The following NBEAL1 variants were observed in gnomAD, a reference collection of about 807,000 sequenced individuals.
The protein encoded by NBEAL1 is neurobeachin-like protein 1.
NBEAL1 carries 273 observed loss-of-function variants against 351.3 expected under a neutral mutation model. That is an observed-to-expected ratio of 0.78 (90% CI 0.70 to 0.86). The LOEUF is 0.86. NBEAL1 is among the 40% of genes least tolerant of loss of function. The probability of loss-of-function intolerance (pLI) is 0.00; values close to 1 mark genes in which losing one functional copy is unlikely to be tolerated. For synonymous variants in NBEAL1, 1,050 were observed against 1,086.4 expected (o/e 0.97, Z 0.66); for missense variants, 2,961 against 3,201.3 (o/e 0.92, Z 1.81).
chr2:203,067,595 T>C (rs927947741), intron 6 of NBEAL1, among the ~76,000 whole-genome samples: 4 of 152,238 alleles, frequency 2.6e-5, no homozygotes, highest in African/African-American at 7.2e-5. Context: ...CAGTACATCA[T>C]ATTTAGACGT....
chr2:203,151,420 A>C, intron 34 of NBEAL1, 45 bp from the exon 35 acceptor site: 1 of 1,404,050 alleles, frequency 7.1e-7, no homozygotes, highest in Non-Finnish European at 9.7e-7. Context: ...AATCTTTGTA[A>C]CTTAAGCTAA....
At chr2:203,025,269 G>A (rs16839414) in intron 2 of NBEAL1, among the ~76,000 whole-genome samples, 3,618 of 152,234 alleles carry the variant, frequency 0.024, 160 homozygotes, top group East Asian at 0.16. Context: ...AATACTAGTC[G>A]CGAGGTAGTT....
chr2:203,136,649 A>C lies in NBEAL1; in HGVS notation c.4440A>C (p.Val1480=), dbSNP rs2063218016. The C allele has an allele frequency of 6.2e-7, 1 of 1,612,124 alleles. No individual in the cohort carries two copies. ...TACTGACACATATTTTGAATTATGTAATGTGTAAGGGACTAGAAAAGTCTG... is the reference window on the plus strand; with the variant it reads ...TACTGACACATATTTTGAATTATGTCATGTGTAAGGGACTAGAAAAGTCTG... ...LQLLTHILNY[V]MCKGLEKSDD... Residue 1480 remains valine (V), a synonymous_variant, in exon 29 of 56, where the codon GTA becomes GTC. Coordinates refer to ENST00000683969, the MANE Select transcript of NBEAL1 (RefSeq NM_001378026.1).
chr2:203,060,917 A>G (rs1183577305), intron 6 of NBEAL1, among the ~76,000 whole-genome samples: 4 of 152,186 alleles, frequency 2.6e-5, no homozygotes, highest in African/African-American at 9.7e-5. Flanking sequence ...TCACATTTAT[A>G]AGGTCCATCT....
intron 43 of NBEAL1, 28 bp from the exon 44 acceptor site, chr2:203,183,251 T>C (rs775774177): frequency 8.5e-7 from 1 of 1,181,742 alleles, no homozygotes; most frequent in East Asian, 2.4e-5. Context: ...TAAAATGATT[T>C]GATACATTTT....
chr2:203,163,876 G>A (rs1282356883), intron 36 of NBEAL1, among the ~76,000 whole-genome samples: 3 of 152,040 alleles, frequency 2.0e-5, no homozygotes, highest in African/African-American at 7.2e-5. Context: ...CTTATGTATA[G>A]TTGTTGGGTT....
chr2:203,153,372 C>A (rs1172047748), intron 35 of NBEAL1, among the ~76,000 whole-genome samples: 1 of 147,374 alleles, frequency 6.8e-6, no homozygotes, highest in Non-Finnish European at 1.5e-5. Flanking sequence ...AACTCCTAGG[C>A]TCAAGTGGCA....
chr2:203,085,425 A>G (rs1031511019), intron 10 of NBEAL1: 12 of 152,358 alleles, frequency 7.9e-5, no homozygotes, highest in African/African-American at 2.6e-4. Flanking sequence ...TATCTAACCA[A>G]TATTTATTGT....
In NBEAL1 at chr2:203,028,030, C is replaced by T. The variant is rs1217393881; in HGVS notation, c.51+11595C>T. 6.6e-5 allele frequency among the ~76,000 whole-genome samples: 10 copies of T among 152,136 alleles called. No homozygotes were observed. The South Asian group carries it at 8.3e-4, about 13-fold the overall frequency. On this transcript the variant is annotated intron_variant, in intron 2 of 55. Transcript: ENST00000683969. ...TCCCGAGTAGGTGGGACTACAGGCA[C>T]GTGCCACCACGCCTAGCTAATTTTT... is the stretch of plus-strand genomic sequence containing the variant.
chr2:203,116,155 T>C, intron 18 of NBEAL1, 85 bp downstream of exon 18: 1 of 923,180 alleles, frequency 1.1e-6, no homozygotes, highest in South Asian at 1.5e-5. Flanking sequence ...GTCATTTCAT[T>C]GGGTAATTAA....
At chr2:203,073,067 G>A (rs1247324348) in intron 7 of NBEAL1, among the ~76,000 whole-genome samples, 3 of 152,084 alleles carry the variant, frequency 2.0e-5, no homozygotes, top group Non-Finnish European at 4.4e-5. Flanking sequence ...CTTGTGGAAA[G>A]GTTTTGTTTT....
At chr2:203,214,877 T>C (rs2065872035) in intron 55 of NBEAL1, among the ~76,000 whole-genome samples, 1 of 152,228 alleles carries the variant, frequency 6.6e-6, no homozygotes, top group South Asian at 2.1e-4. Context: ...TAATATGTAT[T>C]TTTTAATCAT....
intron 35 of NBEAL1, among the ~76,000 whole-genome samples, chr2:203,156,076 G>T (rs1029597791): frequency 6.6e-6 from 1 of 152,056 alleles, no homozygotes; most frequent in African/African-American, 2.4e-5. Context: ...TTTCTCATAT[G>T]TGTATTCCTT....
chr2:203,016,172 A>T lies in NBEAL1; in HGVS notation c.-213A>T, dbSNP rs2060677979. The T allele has an allele frequency of 2.7e-6, 1 of 374,832 alleles. No homozygotes were observed. Among genetic ancestry groups the T allele is most frequent in the South Asian group, 1.3e-4 (1 of 7,940 alleles). The allele number at this position is 374,832 out of a possible 1,614,324, so 23.2% of individuals were successfully genotyped here. A position where few individuals can be genotyped will look rare whatever the true frequency, so the allele number is the denominator to read the frequency against. On this transcript the variant is annotated 5_prime_UTR_variant, in exon 2 of 56. Transcript: ENST00000683969. Reference sequence around the variant, plus strand: ...CTTTCACAGATTTATTTAATTGCCCAACTACCACTGATGAAGATATATTGG... The same window carrying T: ...CTTTCACAGATTTATTTAATTGCCCTACTACCACTGATGAAGATATATTGG...
intron 35 of NBEAL1, among the ~76,000 whole-genome samples, chr2:203,156,554 C>A (rs2063803444): frequency 6.6e-6 from 1 of 152,138 alleles, no homozygotes. Context: ...ATAAATTAGA[C>A]CTCATGAAAA....
intron 12 of NBEAL1, among the ~76,000 whole-genome samples, chr2:203,105,803 A>G (rs1377080987): frequency 6.6e-6 from 1 of 152,226 alleles, no homozygotes. Flanking sequence ...GATAGGATTT[A>G]CAGTGTTGGC....
intron 47 of NBEAL1, 72 bp from the exon 48 acceptor site, chr2:203,197,230 G>A (rs990076023): frequency 8.6e-6 from 7 of 809,768 alleles, no homozygotes; most frequent in Non-Finnish European, 1.5e-5. Context: ...CTTATTTAAA[G>A]AGACGGTTTT....
At chr2:203,144,298 T>C (rs991181943) in intron 31 of NBEAL1, among the ~76,000 whole-genome samples, 2 of 151,844 alleles carry the variant, frequency 1.3e-5, no homozygotes, top group Admixed American at 6.6e-5. Flanking sequence ...AGACATCATC[T>C]AGTCCTCTTC....
At chr2:203,189,626 G>A (rs2065007849) in intron 45 of NBEAL1, among the ~76,000 whole-genome samples, 1 of 151,806 alleles carries the variant, frequency 6.6e-6, no homozygotes, top group Non-Finnish European at 1.5e-5. Flanking sequence ...GTCTCAAGCA[G>A]TCCTCCCGCC....
Sources: allele counts gnomAD v4.1 joint callset (sites outside exome capture counted in the v4.1 genomes callset), GRCh38; gene constraint gnomAD v4.1.1; transcripts MANE v1.5; gene names NCBI Gene and HGNC (gene_info 2026-07-23, HGNC 2026-07-21).